The following PLCL2 variants were observed in gnomAD, a reference collection of about 807,000 sequenced individuals.
PLCL2 encodes the protein phospholipase C like 2.
A neutral mutation model predicts 79.6 loss-of-function variants in PLCL2; 4 were observed. That is an observed-to-expected ratio of 0.05 (90% CI 0.02 to 0.11). PLCL2 has a LOEUF of 0.11. Ranked by LOEUF, PLCL2 falls within the 10% of genes least tolerant of loss-of-function variation. PLCL2 has a pLI of 1.00. For missense variants in PLCL2, 895 were observed against 1,291.0 expected, an observed-to-expected ratio of 0.69 and a Z score of 4.70; for synonymous variants, 484 against 457.7, an observed-to-expected ratio of 1.06 and a Z score of -0.73.
At chr3:16,950,016 C>T (rs2063636047) in intron 1 of PLCL2, among the ~76,000 whole-genome samples, 1 of 152,102 alleles carries the variant, frequency 6.6e-6, no homozygotes, top group Non-Finnish European at 1.5e-5. Context: ...TCATCTATTC[C>T]TGTACCAGTA....
intron 3 of PLCL2, among the ~76,000 whole-genome samples, chr3:17,018,680 C>T (rs1032024178): frequency 6.6e-6 from 1 of 152,084 alleles, no homozygotes; most frequent in African/African-American, 2.4e-5. Context: ...AACTTTTGAA[C>T]CAAATAATTG....
At chr3:17,024,172 A>C (rs187029447) in intron 3 of PLCL2, among the ~76,000 whole-genome samples, 2 of 152,312 alleles carry the variant, frequency 1.3e-5, no homozygotes, top group East Asian at 3.9e-4. Context: ...AGTGGAGCCA[A>C]ATTGCTCTGT....
chr3:17,006,880 C>G lies in PLCL2; in HGVS notation c.328-2794C>G, dbSNP rs569160393. Among the ~76,000 whole-genome samples the G allele has an allele frequency of 1.1e-4, 16 of 152,168 alleles. No homozygotes were observed. The South Asian group carries it at 3.3e-3, about 32-fold the overall frequency. Reference sequence around the variant, plus strand: ...CTTACTTTGCTATTAGGCCTTTTCCCTCTTAATAAAAAAGAAACCTGTTTA... The same window carrying G: ...CTTACTTTGCTATTAGGCCTTTTCCGTCTTAATAAAAAAGAAACCTGTTTA... On this transcript the variant is annotated intron_variant, in intron 1 of 5. Coordinates refer to ENST00000615277, the MANE Select transcript of PLCL2 (RefSeq NM_001144382.2).
At chr3:17,065,707 C>T (rs2065002933) in intron 4 of PLCL2, among the ~76,000 whole-genome samples, 1 of 152,144 alleles carries the variant, frequency 6.6e-6, no homozygotes, top group Admixed American at 6.5e-5. Flanking sequence ...TTGCGAAGAG[C>T]CCACATCCAG....
In PLCL2 at chr3:16,913,128, C is replaced by T. The variant is rs1318315432; in HGVS notation, c.327+27762C>T. 4.6e-5 allele frequency among the ~76,000 whole-genome samples: 7 copies of T among 152,274 alleles called. No homozygotes were observed. The East Asian group carries it at 1.3e-3, about 29-fold the overall frequency. On this transcript the variant is annotated intron_variant, in intron 1 of 5. Transcript: ENST00000615277. ...CTAACCTTCCTCTTGGTTTCCAGGA[C>T]CTCCCATGTATCATCAGTACTACTC...
chr3:16,959,677 G>A (rs1263146100), intron 1 of PLCL2, among the ~76,000 whole-genome samples: 2 of 152,102 alleles, frequency 1.3e-5, no homozygotes, highest in African/African-American at 4.8e-5. Flanking sequence ...CTATGCTGAT[G>A]GCTTCCTCAT....
chr3:16,913,853 T>C (rs1463695090), intron 1 of PLCL2, among the ~76,000 whole-genome samples: 2 of 152,180 alleles, frequency 1.3e-5, no homozygotes, highest in Non-Finnish European at 2.9e-5. Context: ...GCCTGTAAAT[T>C]TTGCTCCTAT....
At chr3:17,062,157 C>T (rs570280550) in intron 4 of PLCL2, among the ~76,000 whole-genome samples, 1 of 152,274 alleles carries the variant, frequency 6.6e-6, no homozygotes, top group African/African-American at 2.4e-5. Context: ...CCACACCAGG[C>T]CAGCCAGGTC....
Position 16,906,758 on chromosome 3 carries a change from T to A in PLCL2, c.327+21392T>A, listed in dbSNP as rs186611195. ...GTCTTTTCCTGATTCTGAGAAGTTT[T>A]CTATGAATTCTTTGAGTAAAAATCT... On this transcript the variant is annotated intron_variant, in intron 1 of 5. Transcript: ENST00000615277. 8.5e-5 allele frequency among the ~76,000 whole-genome samples: 13 copies of A among 152,384 alleles called. No individual in the cohort carries two copies. In the South Asian group the frequency reaches 1.2e-3, roughly 15 times the overall value.
chr3:17,071,210 G>A (rs898860753), intron 5 of PLCL2, among the ~76,000 whole-genome samples: 19 of 152,138 alleles, frequency 1.2e-4, no homozygotes, highest in Non-Finnish European at 2.1e-4. Flanking sequence ...GACAATCTGG[G>A]CAAACTGGGA....
At chr3:16,910,450 G>T (rs908444816) in intron 1 of PLCL2, among the ~76,000 whole-genome samples, 1 of 151,930 alleles carries the variant, frequency 6.6e-6, no homozygotes, top group African/African-American at 2.4e-5. Flanking sequence ...TACTTCGCTT[G>T]GCTTCCAGGG....
At chr3:17,081,561 A>C (rs143787473) in intron 5 of PLCL2, 17 of 216,506 alleles carry the variant, frequency 7.9e-5, no homozygotes, top group Admixed American at 3.3e-4. Flanking sequence ...GGCTCCTAAA[A>C]TGTAGCACTA....
At chr3:17,084,411 G>A (rs2065194944) in intron 5 of PLCL2, among the ~76,000 whole-genome samples, 2 of 152,156 alleles carry the variant, frequency 1.3e-5, no homozygotes, top group Admixed American at 1.3e-4. Flanking sequence ...GAAGCAGAGT[G>A]AATACTTCCT....
At chr3:16,979,003 ATATT>A (rs1395510271) in intron 1 of PLCL2, among the ~76,000 whole-genome samples, 1 of 152,202 alleles carries the variant, frequency 6.6e-6, no homozygotes, top group Admixed American at 6.5e-5. Flanking sequence ...TCTTTTTGGA[ATATT>A]TACTCATTCA....
In PLCL2 at chr3:17,009,703, A is replaced by G. The variant is rs1242355334; in HGVS notation, c.357A>G (p.Lys119=). 34 of 1,603,958 alleles carry G rather than the reference A, an allele frequency of 2.1e-5. No homozygotes were observed. The highest frequency in any genetic ancestry group is 8.0e-5 in the African/African-American group (6 of 74,816). ...GTACAAAACAGAAGAGGGAACGGAAAAAGACAGTCTCATTCAGCAGCATGC... is the reference window on the plus strand; with the variant it reads ...GTACAAAACAGAAGAGGGAACGGAAGAAGACAGTCTCATTCAGCAGCATGC... ...KDGTKQKRER[K]KTVSFSSMPT... Residue 119 remains lysine (K), a synonymous_variant, in exon 2 of 6, where the codon AAA becomes AAG. Coordinates refer to ENST00000615277, the MANE Select transcript of PLCL2 (RefSeq NM_001144382.2). This position sits in a 1 kb window ranked among gnomAD's most constrained non-coding sequence, Gnocchi z 4.0.
chr3:16,920,917 A>C (rs569280515), intron 1 of PLCL2, among the ~76,000 whole-genome samples: 9 of 152,260 alleles, frequency 5.9e-5, no homozygotes, highest in African/African-American at 1.9e-4. Flanking sequence ...CTTTAAAGGA[A>C]GTTTGGTGTG....
chr3:17,084,264 A>G (rs1575623277), intron 5 of PLCL2, among the ~76,000 whole-genome samples: 2 of 152,230 alleles, frequency 1.3e-5, no homozygotes, highest in Non-Finnish European at 2.9e-5. Context: ...GAATAATTCT[A>G]TATCTATTAA....
intron 4 of PLCL2, among the ~76,000 whole-genome samples, chr3:17,052,255 T>TAAAAAGG (rs1553648887): frequency 7.9e-6 from 1 of 126,418 alleles, no homozygotes. Context: ...AAAAAAAAAT[T>TAAAAAGG]GGGGGGGGGT....
intron 1 of PLCL2, among the ~76,000 whole-genome samples, chr3:16,997,337 T>TA (rs1277549997): frequency 6.6e-6 from 1 of 152,152 alleles, no homozygotes; most frequent in Non-Finnish European, 1.5e-5. Context: ...AATTACAGGG[T>TA]AGACACTATA....
Sources: allele counts gnomAD v4.1 joint callset (sites outside exome capture counted in the v4.1 genomes callset), GRCh38; gene constraint gnomAD v4.1.1; non-coding constraint Gnocchi (gnomAD v3.1); transcripts MANE v1.5; gene names NCBI Gene and HGNC (gene_info 2026-07-23, HGNC 2026-07-21).